TAFA4: variants seen among roughly 807,000 people sequenced by gnomAD.
TAFA4 encodes the protein TAFA chemokine like family member 4.
TAFA4 carries 20 observed loss-of-function variants against 21.1 expected under a neutral mutation model. The observed-to-expected ratio is 0.95, with a 90% CI of 0.67 to 1.38. TAFA4 has a LOEUF of 1.38. TAFA4 is among the 40% of genes most tolerant of loss of function. The pLI is 0.00. For missense variants in TAFA4, 211 were observed against 180.9 expected, an observed-to-expected ratio of 1.17 and a Z score of -0.95; for synonymous variants, 71 against 67.4, an observed-to-expected ratio of 1.05 and a Z score of -0.26.
chr3:68,878,656 T>G (rs1038137584), intron 3 of TAFA4, among the ~76,000 whole-genome samples: 2 of 152,200 alleles, frequency 1.3e-5, no homozygotes, highest in Admixed American at 1.3e-4. Context: ...CCCTTCACCT[T>G]TTCTACAGCT....
chr3:68,909,794 C>T (rs942076031), intron 1 of TAFA4, among the ~76,000 whole-genome samples: 1 of 152,154 alleles, frequency 6.6e-6, no homozygotes, highest in Non-Finnish European at 1.5e-5. Flanking sequence ...AAGTAATATA[C>T]ATTTGTTATC....
In TAFA4 at chr3:68,795,249, C is replaced by G. The variant is rs147033747; in HGVS notation, c.131-42231G>C. On this transcript the variant is annotated intron_variant, in intron 3 of 5. Transcript: ENST00000295569. ...GATAACAGAGAGGGTACAACGCATT[C>G]TAGATGGAGACAGCTTTGACAATTG... is the stretch of plus-strand genomic sequence containing the variant. Among the ~76,000 whole-genome samples, 271 of 151,266 alleles carry G rather than the reference C, an allele frequency of 1.8e-3. 2 individuals are homozygous for G. The highest frequency in any genetic ancestry group is 3.8e-3 in the Admixed American group (57 of 15,072).
chr3:68,739,177 C>T lies in TAFA4; in HGVS notation c.309G>A (p.Trp103Ter). The T allele has an allele frequency of 6.2e-7, 1 of 1,613,778 alleles. No individual in the cohort carries two copies. Among genetic ancestry groups the T allele is most frequent in the Non-Finnish European group, 8.5e-7 (1 of 1,179,844 alleles). ...CCAAACACGGATTCATGTGACACCA[C>T]CATTTCTGAATCACAATGGAAGCTG... ...CVEASIVIQK[W>*]WCHMNPCLEG... The change falls in exon 5 of 6, where the codon TGG becomes TGA. Residue 103 changes from tryptophan to a stop codon, truncating the protein, a stop_gained. Transcript: ENST00000295569. LOFTEE classifies it high-confidence loss of function.
intron 3 of TAFA4, among the ~76,000 whole-genome samples, chr3:68,822,852 A>G (rs1448941121): frequency 6.6e-6 from 1 of 152,164 alleles, no homozygotes; most frequent in South Asian, 2.1e-4. Context: ...ACCACTCTCA[A>G]TTCTACTCTA....
intron 2 of TAFA4, among the ~76,000 whole-genome samples, chr3:68,881,047 A>C (rs2089612207): frequency 6.6e-6 from 1 of 152,240 alleles, no homozygotes; most frequent in Admixed American, 6.5e-5. Flanking sequence ...GATAATTAAG[A>C]GTTTTCCAAG....
chr3:68,821,240 G>C lies in TAFA4; in HGVS notation c.130+59490C>G, dbSNP rs565008193. Among the ~76,000 whole-genome samples, 16 of 150,840 alleles carry C rather than the reference G, an allele frequency of 1.1e-4. 1 individual carries two copies. Among genetic ancestry groups the C allele is most frequent in the Non-Finnish European group, 2.4e-4 (16 of 67,762 alleles). Reference sequence around the variant, plus strand: ...TCAGTGAGGACTCACAGCTATTAGAGATAATCCTAAGATATAAACACAGCA... The same window carrying C: ...TCAGTGAGGACTCACAGCTATTAGACATAATCCTAAGATATAAACACAGCA... On this transcript the variant is annotated intron_variant, in intron 3 of 5. Transcript: ENST00000295569.
chr3:68,842,821 T>G (rs894591588), intron 3 of TAFA4, among the ~76,000 whole-genome samples: 7 of 152,210 alleles, frequency 4.6e-5, no homozygotes, highest in Admixed American at 1.3e-4. Context: ...CACTGCTTAT[T>G]TTTGTCAAGT....
intron 2 of TAFA4, among the ~76,000 whole-genome samples, chr3:68,884,964 C>G (rs1460223651): frequency 1.3e-5 from 2 of 152,184 alleles, no homozygotes; most frequent in African/African-American, 4.8e-5. Context: ...TTTTCCTCTA[C>G]TGAATAAACC....
At chr3:68,858,810 T>C (rs1705131573) in intron 3 of TAFA4, among the ~76,000 whole-genome samples, 1 of 152,068 alleles carries the variant, frequency 6.6e-6, no homozygotes, top group Admixed American at 6.6e-5. Flanking sequence ...TCTTAACCAC[T>C]GTGTTCTAAG....
At chr3:68,770,727 AT>A (rs1702939941) in intron 3 of TAFA4, among the ~76,000 whole-genome samples, 1 of 152,024 alleles carries the variant, frequency 6.6e-6, no homozygotes, top group South Asian at 2.1e-4. Context: ...TAAAGAAAAT[AT>A]TTTTTTGTGC....
chr3:68,854,114 G>A (rs1705013279), intron 3 of TAFA4, among the ~76,000 whole-genome samples: 1 of 152,092 alleles, frequency 6.6e-6, no homozygotes, highest in Admixed American at 6.6e-5. Context: ...GAGTATGGGA[G>A]AGTGACTTGG....
rs534395938 is a variant in TAFA4 at position 68,755,967 on chromosome 3, T to C, written c.131-2949A>G. Among the ~76,000 whole-genome samples the C allele has an allele frequency of 5.3e-4, 81 of 152,270 alleles. 1 individual carries two copies. Among genetic ancestry groups the C allele is most frequent in the South Asian group, 1.0e-3 (5 of 4,818 alleles). On this transcript the variant is annotated intron_variant, in intron 3 of 5. Transcript: ENST00000295569. ...GAGCAGCCCTATGCAGAGGACTACATAGCCAGGAGCTACAGTCTACTGCCA... is the reference window on the plus strand; with the variant it reads ...GAGCAGCCCTATGCAGAGGACTACACAGCCAGGAGCTACAGTCTACTGCCA...
chr3:68,874,485 A>G (rs2089523636), intron 3 of TAFA4, among the ~76,000 whole-genome samples: 1 of 152,162 alleles, frequency 6.6e-6, no homozygotes. Context: ...ATTTCCTCGT[A>G]TAGCACTGGC....
At chr3:68,805,146 T>C (rs1339323262) in intron 3 of TAFA4, among the ~76,000 whole-genome samples, 1 of 152,210 alleles carries the variant, frequency 6.6e-6, no homozygotes. Flanking sequence ...GGGCAAAGGA[T>C]ATGAACAGAC....
intron 3 of TAFA4, among the ~76,000 whole-genome samples, chr3:68,874,446 A>T (rs536906848): frequency 1.7e-4 from 26 of 152,124 alleles, no homozygotes; most frequent in East Asian, 7.7e-4. Flanking sequence ...CAATGATTTT[A>T]TTTTCCTTAT....
chr3:68,877,499 C>T (rs1323082571), intron 3 of TAFA4, among the ~76,000 whole-genome samples: 1 of 152,186 alleles, frequency 6.6e-6, no homozygotes, highest in East Asian at 1.9e-4. Flanking sequence ...AGACCCTTCA[C>T]AATTCTTGAC....
At chr3:68,822,482 T>C (rs147880362) in intron 3 of TAFA4, among the ~76,000 whole-genome samples, 133 of 152,276 alleles carry the variant, frequency 8.7e-4, no homozygotes, top group African/African-American at 3.0e-3. Context: ...TTTTTCTCTC[T>C]CTCTCTGAGA....
intron 3 of TAFA4, among the ~76,000 whole-genome samples, chr3:68,838,933 C>CA: frequency 6.6e-6 from 1 of 152,012 alleles, no homozygotes; most frequent in Admixed American, 6.5e-5. Context: ...CCCGTCTCCA[C>CA]AAAAAAAGAC....
At chr3:68,799,803 G>C (rs1043473455) in intron 3 of TAFA4, among the ~76,000 whole-genome samples, 1 of 152,150 alleles carries the variant, frequency 6.6e-6, no homozygotes, top group African/African-American at 2.4e-5. Flanking sequence ...TGGCTTGTTA[G>C]GAACCAGGCT....
Sources: allele counts gnomAD v4.1 joint callset (sites outside exome capture counted in the v4.1 genomes callset), GRCh38; gene constraint gnomAD v4.1.1; transcripts MANE v1.5; gene names NCBI Gene and HGNC (gene_info 2026-07-23, HGNC 2026-07-21).